Variants in FAM131A observed in about 807,000 individuals in gnomAD.
FAM131A encodes protein FAM131A.
Under a neutral mutation model 39.2 loss-of-function variants are expected in FAM131A, and 24 were observed. The ratio of observed to expected loss-of-function variants is 0.61; its 90% CI spans 0.44 to 0.86. FAM131A has a LOEUF of 0.86. Ranked by LOEUF, FAM131A falls within the 40% of genes least tolerant of loss-of-function variation. The pLI, the probability that FAM131A is intolerant of heterozygous loss-of-function variation, is 0.00. For missense variants in FAM131A, 373 were observed against 481.2 expected (o/e 0.78, Z 2.10); for synonymous variants, 202 against 206.8 (o/e 0.98, Z 0.20).
At chr3:184,343,599 A>G (rs4912539) in intron 5 of FAM131A, among the ~76,000 whole-genome samples, 31,846 of 152,226 alleles carry the variant, frequency 0.21, 4,243 homozygotes, top group Middle Eastern at 0.36. Flanking sequence ...AGTTCTCCAA[A>G]GCAGGCAATA....
In FAM131A at chr3:184,344,733, C is replaced by T. The variant is rs377053634; in HGVS notation, c.864C>T (p.Ser288=). The change falls in exon 6 of 6, where the codon AGC becomes AGT. Residue 288 remains serine (S), a synonymous_variant. Coordinates refer to ENST00000383847, the MANE Select transcript of FAM131A (RefSeq NM_144635.5). The part of the protein sequence containing the change: ...DELLLAKLPP[S]RESAFRSLGP... ...TGCTTCTCGCCAAACTGCCCCCCAG[C>T]CGGGAAAGTGCCTTCCGCAGCCTGG... is the stretch of plus-strand genomic sequence containing the variant. 1.2e-5 allele frequency: 20 copies of T among 1,612,328 alleles called. 1 individual carries two copies. In the South Asian group the frequency reaches 2.0e-4, roughly 16 times the overall value.
chr3:184,335,942 C>T (rs1405752368), upstream of FAM131A: 1 of 152,298 alleles, frequency 6.6e-6, no homozygotes, highest in Admixed American at 6.5e-5. Flanking sequence ...GGCCCGGTTC[C>T]CTCTCCGGGG....
In FAM131A at chr3:184,341,618, C is replaced by T. The variant is rs866533857; in HGVS notation, c.232-106C>T. 9 of 867,560 alleles carry T rather than the reference C, an allele frequency of 1.0e-5. No homozygotes were observed. The African/African-American group carries it at 1.3e-4, about 13-fold the overall frequency. The allele number at this position is 867,560 out of a possible 1,614,324, so 53.7% of individuals were successfully genotyped here. A position where few individuals can be genotyped will look rare whatever the true frequency, so the allele number is the denominator to read the frequency against. ...AGCCACTGGGACATATGTGGTGTTC[C>T]TTCCTAGCTCCTGTCTCCTCCTCAT... On this transcript the variant is annotated intron_variant, in intron 2 of 5. Coordinates refer to ENST00000383847, the MANE Select transcript of FAM131A (RefSeq NM_144635.5).
chr3:184,345,771 G>A lies in FAM131A; in HGVS notation c.*801G>A, dbSNP rs970159970. ...CCCATTCACGCAGAGCTCTCTGAGC[G>A]GGAGGTGGAAGAAAGGATGGCTCTG... On this transcript the variant is annotated 3_prime_UTR_variant, in exon 6 of 6. Transcript: ENST00000383847. The A allele has an allele frequency of 2.9e-5, 17 of 582,298 alleles. No homozygotes were observed. Among genetic ancestry groups the A allele is most frequent in the East Asian group, 2.4e-4 (8 of 33,978 alleles). The allele number at this position is 582,298 out of a possible 1,614,324, so 36.1% of individuals were successfully genotyped here.
chr3:184,341,795 G>C lies in FAM131A; in HGVS notation c.303G>C (p.Ala101=). 3 of 1,614,014 alleles carry C rather than the reference G, an allele frequency of 1.9e-6. No homozygotes were observed. The highest frequency in any genetic ancestry group is 2.5e-6 in the Non-Finnish European group (3 of 1,180,024). ...RRALTIQEIA[A]LARSSLHGIS... is the part of the protein sequence containing the mutation. ...CCCTAACTATCCAGGAGATCGCTGC[G>C]CTGGCCAGGTCCTCCCTGCATGGTA... The change falls in exon 3 of 6, where the codon GCG becomes GCC. Residue 101 remains alanine (A), a synonymous_variant. Transcript: ENST00000383847.
intron 3 of FAM131A, 95 bp from the exon 4 acceptor site, chr3:184,341,971 C>A (rs745371985): frequency 1.3e-6 from 2 of 1,544,210 alleles, no homozygotes; most frequent in South Asian, 2.2e-5. Flanking sequence ...CAAAGGTTCA[C>A]ATGGATCCTA....
chr3:184,345,346 G>C lies in FAM131A; in HGVS notation c.*376G>C. 1 of 597,686 alleles carries C rather than the reference G, an allele frequency of 1.7e-6. No individual in the cohort carries two copies. The allele number at this position is 597,686 out of a possible 1,614,324, so 37.0% of individuals were successfully genotyped here. On this transcript the variant is annotated 3_prime_UTR_variant, in exon 6 of 6. Coordinates refer to ENST00000383847, the MANE Select transcript of FAM131A (RefSeq NM_144635.5). ...TGAGGGTGGGGTGGGAGGGGGCCCA[G>C]CAACCCCCCACCCTCCCCATGCCTC...
rs1727657466 is a variant in FAM131A, at chr3:184,346,233, ATTTGT to A, written c.*1267_*1271del. The A allele has an allele frequency of 3.8e-6, 1 of 261,522 alleles. No individual in the cohort carries two copies. Among genetic ancestry groups the A allele is most frequent in the Non-Finnish European group, 7.5e-6 (1 of 133,354 alleles). 16.2% of individuals were successfully genotyped at this position (261,522 alleles called of 1,614,324 possible). ...GGTGTTTATTTTGTTCTATTTAAGA[ATTTGT>A]TTTATTAAATTAATATAAAAATCTT... On this transcript the variant is annotated 3_prime_UTR_variant, in exon 6 of 6. Coordinates refer to ENST00000383847, the MANE Select transcript of FAM131A (RefSeq NM_144635.5). This position sits in a 1 kb window ranked among gnomAD's most constrained non-coding sequence, Gnocchi z 6.0.
At chr3:184,344,401 C>G (rs1222601083) in intron 5 of FAM131A, 94 bp from the exon 6 acceptor site, 6 of 1,207,612 alleles carry the variant, frequency 5.0e-6, no homozygotes, top group Admixed American at 2.3e-5. Context: ...ACCCCTAGAG[C>G]TATGCCAGGG....
At chr3:184,341,894 T>C (rs778422176) in intron 3 of FAM131A, 77 bp downstream of exon 3, 1 of 1,538,482 alleles carries the variant, frequency 6.5e-7, no homozygotes. Context: ...AACTGTTTCC[T>C]GTGAGTACAT....
upstream of FAM131A, among the ~76,000 whole-genome samples, chr3:184,336,988 T>A (rs928821222): frequency 2.0e-5 from 3 of 152,230 alleles, no homozygotes; most frequent in Non-Finnish European, 4.4e-5. The surrounding 1 kb of genome is among the most constrained non-coding windows in gnomAD (Gnocchi z 5.5). Context: ...TCCTGGACCT[T>A]CAGGGCAGGT....
chr3:184,344,282 C>T (rs753715039), intron 5 of FAM131A, among the ~76,000 whole-genome samples: 1 of 152,096 alleles, frequency 6.6e-6, no homozygotes, highest in Non-Finnish European at 1.5e-5. Context: ...ACCGCACCCA[C>T]CTGTGTGCGA....
upstream of FAM131A, chr3:184,337,587 G>A (rs532297333): frequency 3.7e-5 from 57 of 1,521,484 alleles, 3 homozygotes; most frequent in South Asian, 6.7e-4. Context: ...AGCTGAGCCT[G>A]GAGCGGTTCT....
At chr3:184,336,692 G>T (rs1355438150), upstream of FAM131A, among the ~76,000 whole-genome samples, 5 of 152,234 alleles carry the variant, frequency 3.3e-5, no homozygotes, top group Admixed American at 3.3e-4. The surrounding 1 kb of genome is among the most constrained non-coding windows in gnomAD (Gnocchi z 5.5). Context: ...TGGGGCACCT[G>T]TGAACACTGA....
At chr3:184,339,172 T>C (rs1727259685) in intron 2 of FAM131A, 1 of 152,486 alleles carries the variant, frequency 6.6e-6, no homozygotes, top group African/African-American at 2.4e-5. Flanking sequence ...AGGGTGGAGT[T>C]AGGAACTTAC....
In FAM131A at chr3:184,345,509, C is replaced by T. The variant is rs920526230; in HGVS notation, c.*539C>T. ...CCTCAAGGGCCCCTGCCCAGCTGGG[C>T]TCGTGCTGTGCTTCATTCACCTCTC... On this transcript the variant is annotated 3_prime_UTR_variant, in exon 6 of 6. Coordinates refer to ENST00000383847, the MANE Select transcript of FAM131A (RefSeq NM_144635.5). 2.8e-6 allele frequency: 2 copies of T among 703,086 alleles called. No homozygotes were observed. The highest frequency in any genetic ancestry group is 5.2e-6 in the Non-Finnish European group (2 of 385,006). The allele number at this position is 703,086 out of a possible 1,614,324, so 43.6% of individuals were successfully genotyped here. A position where few individuals can be genotyped will look rare whatever the true frequency, so the allele number is the denominator to read the frequency against.
upstream of FAM131A, chr3:184,337,361 T>A: frequency 2.6e-6 from 1 of 383,096 alleles, no homozygotes. Flanking sequence ...AGACGGCTGC[T>A]CCAGCTAAAG....
intron 2 of FAM131A, chr3:184,341,370 A>T: frequency 3.3e-6 from 1 of 299,242 alleles, no homozygotes; most frequent in Non-Finnish European, 6.3e-6. Flanking sequence ...GGAATCTTAA[A>T]GAAGTCCTGG....
intron 5 of FAM131A, among the ~76,000 whole-genome samples, chr3:184,343,993 C>CTG (rs1553852940): frequency 6.6e-6 from 1 of 151,008 alleles, no homozygotes; most frequent in Non-Finnish European, 1.5e-5. Flanking sequence ...GTGTGCCAGA[C>CTG]TTTTTTTTTG....
Sources: gnomAD v4.1 joint callset for allele counts (sites outside exome capture counted in the v4.1 genomes callset) on GRCh38, gnomAD v4.1.1 for gene constraint, Gnocchi (gnomAD v3.1) non-coding constraint, MANE v1.5 for transcripts, NCBI Gene and HGNC (gene_info 2026-07-23, HGNC 2026-07-21) for gene names.